Variants in FCGR1A observed in about 807,000 individuals in gnomAD.
FCGR1A encodes high affinity immunoglobulin gamma Fc receptor I.
A neutral mutation model predicts 35.0 loss-of-function variants in FCGR1A; 13 were observed. The observed-to-expected ratio is 0.37, with a 90% confidence interval of 0.24 to 0.59. The LOEUF (loss-of-function observed/expected upper bound fraction) is 0.59, where lower values mean the gene tolerates loss of function less well. FCGR1A is among the 20% of genes least tolerant of loss of function. The probability of loss-of-function intolerance (pLI) is 0.71; values close to 1 mark genes in which losing one functional copy is unlikely to be tolerated. For synonymous variants in FCGR1A, 91 were observed against 164.7 expected, an observed-to-expected ratio of 0.55 and a Z score of 3.43; for missense variants, 227 against 430.0, an observed-to-expected ratio of 0.53 and a Z score of 4.17.
chr1:149,799,480 ATCC>A, the FCGR1A span, among the ~76,000 whole-genome samples: 1,093 of 152,132 alleles, frequency 7.2e-3, 7 homozygotes, highest in African/African-American at 0.022. Context: ...CCTGTGAAAT[ATCC>A]TCCTTTTATT....
chr1:149,786,223 C>T (rs1399860233), intron 3 of FCGR1A: 2 of 152,080 alleles, frequency 1.3e-5, no homozygotes, highest in East Asian at 1.9e-4. Flanking sequence ...CCATTTTTCA[C>T]GTTTATTACC....
At chr1:149,785,859 G>A (rs1268771294) in intron 3 of FCGR1A, 9 of 151,816 alleles carry the variant, frequency 5.9e-5, no homozygotes, top group Non-Finnish European at 1.0e-4. Flanking sequence ...TAGGTTTTTT[G>A]CCTATTTTTG....
chr1:149,786,054 T>A (rs1353071817), intron 3 of FCGR1A: 2 of 152,168 alleles, frequency 1.3e-5, no homozygotes, highest in African/African-American at 4.8e-5. Flanking sequence ...TTTTGACCAC[T>A]TACAAATAGT....
the FCGR1A span, among the ~76,000 whole-genome samples, chr1:149,799,494 C>A: frequency 1.3e-5 from 2 of 151,746 alleles, no homozygotes; most frequent in Non-Finnish European, 2.9e-5. Context: ...TCCTTTTATT[C>A]CTTTATTTTC....
chr1:149,787,493 G>A (rs2091583842), intron 3 of FCGR1A: 1 of 152,358 alleles, frequency 6.6e-6, no homozygotes, highest in Non-Finnish European at 1.5e-5. Flanking sequence ...AATGTAGTAG[G>A]ATGTTTATAT....
chr1:149,790,022 G>A, intron 4 of FCGR1A, 32 bp from the exon 5 acceptor site: 13 of 1,611,650 alleles, frequency 8.1e-6, no homozygotes, highest in Non-Finnish European at 1.0e-5. Context: ...TGCTAAACAG[G>A]CAACCTTGTC....
the FCGR1A span, among the ~76,000 whole-genome samples, chr1:149,799,110 A>G: frequency 7.0e-6 from 1 of 142,310 alleles, no homozygotes; most frequent in Non-Finnish European, 1.5e-5. Context: ...TTTACCAAAT[A>G]CATGACCACC....
chr1:149,792,666 A>G (rs1443903488), downstream of FCGR1A: 43 of 1,278,004 alleles, frequency 3.4e-5, 3 homozygotes, highest in African/African-American at 6.3e-4. Context: ...TGGGGGCCGC[A>G]GCCGCCAGCG....
chr1:149,796,546 T>C (rs1417633894), downstream of FCGR1A, among the ~76,000 whole-genome samples: 1 of 152,226 alleles, frequency 6.6e-6, no homozygotes, highest in Admixed American at 6.5e-5. Context: ...AAGTACCATC[T>C]TTATTTTAGA....
rs2091614815 is a variant in FCGR1A, at chr1:149,788,629, G to T, written c.559+12G>T. The T allele has an allele frequency of 6.2e-7, 1 of 1,613,728 alleles. No individual in the cohort carries two copies. On this transcript the variant is annotated intron_variant, in intron 4 of 5. Coordinates refer to ENST00000369168, the MANE Select transcript of FCGR1A (RefSeq NM_000566.4). ...TGTCACTGTGAAAGGTATTGTATTG[G>T]AATAGTCATAGAACTGATAGTCCCT...
rs782064711 is a variant in FCGR1A, at chr1:149,788,426, G to C, written c.368G>C (p.Arg123Thr). 3.7e-6 allele frequency: 6 copies of C among 1,613,712 alleles called. No individual in the cohort carries two copies. Among genetic ancestry groups the C allele is most frequent in the African/African-American group, 1.3e-5 (1 of 74,968 alleles). Residue 123 changes from arginine to threonine, a missense_variant, in exon 4 of 6, where the codon AGG becomes ACG. Coordinates refer to ENST00000369168, the MANE Select transcript of FCGR1A (RefSeq NM_000566.4). ...VFTEGEPLALRCHAWKDKLVY... is the reference protein window; with the variant it reads ...VFTEGEPLALTCHAWKDKLVY... ...ACGGAAGGAGAACCTCTGGCCTTGA[G>C]GTGTCATGCGTGGAAGGATAAGCTG...
chr1:149,797,851 G>A, the FCGR1A span, among the ~76,000 whole-genome samples: 10 of 152,098 alleles, frequency 6.6e-5, no homozygotes, highest in Non-Finnish European at 1.5e-5. Flanking sequence ...AGGCCAAGGC[G>A]ATCTGCCTAC....
intron 3 of FCGR1A, chr1:149,786,558 T>C (rs587685511): frequency 1.8e-4 from 27 of 152,318 alleles, no homozygotes; most frequent in African/African-American, 6.0e-4. Flanking sequence ...GTCATTTCAA[T>C]TTAATCAGTA....
intron 5 of FCGR1A, among the ~76,000 whole-genome samples, chr1:149,790,657 C>A (rs1157746340): frequency 1.3e-5 from 2 of 149,732 alleles, no homozygotes; most frequent in African/African-American, 2.4e-5. Context: ...CACTCCATGA[C>A]CCCCCCTTCT....
chr1:149,789,285 C>T (rs1322332967), intron 4 of FCGR1A, among the ~76,000 whole-genome samples: 2 of 151,932 alleles, frequency 1.3e-5, no homozygotes, highest in Admixed American at 6.5e-5. Context: ...CCCAGCTACT[C>T]GGGAGGCTGA....
Position 149,784,243 on chromosome 1 carries a change from T to G in FCGR1A, c.293T>G (p.Leu98Arg). 2 of 1,611,008 alleles carry G rather than the reference T, an allele frequency of 1.2e-6. No homozygotes were observed. Among genetic ancestry groups the G allele is most frequent in the Non-Finnish European group, 1.7e-6 (2 of 1,179,798 alleles). The change falls in exon 3 of 6, where the codon CTG becomes CGG. Residue 98 changes from leucine (L) to arginine (R), a missense_variant. Physicochemically the swap from Leu to Arg is moderately radical, Grantham distance 102. This residue lies in a region of FCGR1A where 185 missense variants were observed against 306.6 expected (regional missense o/e 0.60). Coordinates refer to ENST00000369168, the MANE Select transcript of FCGR1A (RefSeq NM_000566.4). ...GLSGRSDPIQ[L>R]EIHRGWLLLQ... ...TCAGGGCGAAGTGACCCCATACAGCTGGAAATCCACAGAGGTAATTATGAC... is the reference window on the plus strand; with the variant it reads ...TCAGGGCGAAGTGACCCCATACAGCGGGAAATCCACAGAGGTAATTATGAC...
the FCGR1A span, among the ~76,000 whole-genome samples, chr1:149,799,922 G>A: frequency 1.3e-5 from 2 of 152,036 alleles, no homozygotes; most frequent in Non-Finnish European, 2.9e-5. Context: ...GTTCTGCAGT[G>A]GACACCAGCT....
chr1:149,786,660 T>C (rs1158127170), intron 3 of FCGR1A: 1 of 152,018 alleles, frequency 6.6e-6, no homozygotes, highest in African/African-American at 2.4e-5. Context: ...GGAATGATTG[T>C]TGAGTAGGAA....
chr1:149,785,377 G>C (rs1364389526), intron 3 of FCGR1A, among the ~76,000 whole-genome samples: 1 of 147,996 alleles, frequency 6.8e-6, no homozygotes, highest in Non-Finnish European at 1.5e-5. Flanking sequence ...TCTTAGGATG[G>C]AGAGGTTAGG....
Sources: allele counts gnomAD v4.1 joint callset (sites outside exome capture counted in the v4.1 genomes callset), GRCh38; gene constraint gnomAD v4.1.1; regional missense constraint gnomAD v4.1.1; transcripts MANE v1.5; gene names NCBI Gene and HGNC (gene_info 2026-07-23, HGNC 2026-07-21).